The following FANCC variants were observed in gnomAD, a reference collection of about 807,000 sequenced individuals.
FANCC encodes Fanconi anemia group C protein.
A neutral mutation model predicts 71.3 loss-of-function variants in FANCC; 55 were observed. The observed-to-expected ratio is 0.77, with a 90% confidence interval of 0.62 to 0.97. FANCC has a LOEUF of 0.97. Ranked by LOEUF, FANCC falls within the 50% of genes least tolerant of loss-of-function variation. The pLI is 0.00. For missense variants in FANCC, 678 were observed against 670.9 expected, an observed-to-expected ratio of 1.01 and a Z score of -0.12; for synonymous variants, 275 against 244.9, an observed-to-expected ratio of 1.12 and a Z score of -1.15.
intron 6 of FANCC, among the ~76,000 whole-genome samples, chr9:95,157,602 T>A (rs1361631879): frequency 6.6e-6 from 1 of 152,182 alleles, no homozygotes; most frequent in Non-Finnish European, 1.5e-5. Context: ...GTGCAGAAAT[T>A]ATTTGGAAGT....
At chr9:95,277,383 A>G (rs1344514901) in intron 1 of FANCC, among the ~76,000 whole-genome samples, 1 of 152,246 alleles carries the variant, frequency 6.6e-6, no homozygotes, top group African/African-American at 2.4e-5. Context: ...TTCTCACCAC[A>G]AAGAAACAAT....
In FANCC at chr9:95,205,975, C is replaced by T. The variant is rs115680020; in HGVS notation, c.346-33828G>A. 2.5e-3 allele frequency among the ~76,000 whole-genome samples: 386 copies of T among 152,178 alleles called. 2 individuals carry two copies. Among genetic ancestry groups the T allele is most frequent in the African/African-American group, 8.8e-3 (366 of 41,516 alleles). On this transcript the variant is annotated intron_variant, in intron 4 of 14. Coordinates refer to ENST00000289081, the MANE Select transcript of FANCC (RefSeq NM_000136.3). ...TACCAGGACTTATAATGAAAAGTTGCTAACTTCTCCAAAGAGCAAAATATC... is the reference window on the plus strand; with the variant it reads ...TACCAGGACTTATAATGAAAAGTTGTTAACTTCTCCAAAGAGCAAAATATC...
At chr9:95,271,633 A>G (rs562561107) in intron 1 of FANCC, among the ~76,000 whole-genome samples, 10 of 152,232 alleles carry the variant, frequency 6.6e-5, no homozygotes, top group Non-Finnish European at 1.2e-4. Context: ...GTAATTTGCT[A>G]TAACAGCTTC....
At position 95,099,707 on chromosome 9, in the gene FANCC, C is replaced by T. The variant is rs1455512145; in HGVS notation, c.*2000G>A. On this transcript the variant is annotated 3_prime_UTR_variant, in exon 15 of 15. Coordinates refer to ENST00000289081, the MANE Select transcript of FANCC (RefSeq NM_000136.3). The stretch of plus-strand genomic sequence containing the variant: ...GGGACAGTCCTCCCACCCAGGAACC[C>T]CTGGCTGCCCAGAAAGCACCACCGG... 4 of 232,346 alleles carry T rather than the reference C, an allele frequency of 1.7e-5. No individual in the cohort carries two copies. Among genetic ancestry groups the T allele is most frequent in the African/African-American group, 6.6e-5 (3 of 45,264 alleles). The allele number at this position is 232,346 out of a possible 1,614,324, so 14.4% of individuals were successfully genotyped here.
At chr9:95,150,466 T>C (rs1830116390) in intron 6 of FANCC, among the ~76,000 whole-genome samples, 1 of 152,190 alleles carries the variant, frequency 6.6e-6, no homozygotes. Flanking sequence ...CATCAGTGAA[T>C]ACTAGCAACA....
intron 7 of FANCC, among the ~76,000 whole-genome samples, chr9:95,143,882 T>A (rs1829129911): frequency 6.6e-6 from 1 of 152,028 alleles, no homozygotes; most frequent in Non-Finnish European, 1.5e-5. Context: ...GCCAAGAAAT[T>A]TAAAAGTTCC....
intron 2 of FANCC, 24 bp from the exon 3 acceptor site, chr9:95,247,540 G>C (rs768151187): frequency 6.6e-7 from 1 of 1,506,574 alleles, no homozygotes. Flanking sequence ...ATAAATTTTG[G>C]TCAGTAAAGG....
At chr9:95,204,860 C>T (rs187554545) in intron 4 of FANCC, among the ~76,000 whole-genome samples, 5 of 152,262 alleles carry the variant, frequency 3.3e-5, no homozygotes, top group Non-Finnish European at 7.4e-5. Flanking sequence ...ATCAAACACC[C>T]GATGGCTCCC....
At chr9:95,246,559 T>C (rs968407055) in intron 3 of FANCC, among the ~76,000 whole-genome samples, 3 of 152,224 alleles carry the variant, frequency 2.0e-5, no homozygotes, top group African/African-American at 7.2e-5. Flanking sequence ...ACCTCAGCCA[T>C]GTTCCTTGGG....
chr9:95,141,398 G>A (rs1227009040), intron 7 of FANCC, among the ~76,000 whole-genome samples: 1 of 147,416 alleles, frequency 6.8e-6, no homozygotes, highest in Non-Finnish European at 1.5e-5. Flanking sequence ...AGAAATGGGA[G>A]TTTTAGTTAC....
At chr9:95,175,739 G>C (rs1194681700) in intron 4 of FANCC, among the ~76,000 whole-genome samples, 1 of 152,256 alleles carries the variant, frequency 6.6e-6, no homozygotes, top group Non-Finnish European at 1.5e-5. Flanking sequence ...AGCAGGGAGA[G>C]CACTTGGTGC....
chr9:95,181,159 T>TTGTGTGTGTG (rs10692344), intron 4 of FANCC, among the ~76,000 whole-genome samples: 30 of 148,444 alleles, frequency 2.0e-4, no homozygotes, highest in African/African-American at 3.5e-4. Context: ...CACGTACACA[T>TTGTGTGTGTG]TGTGTGTGTG....
intron 7 of FANCC, among the ~76,000 whole-genome samples, chr9:95,137,119 G>A (rs991614952): frequency 3.9e-5 from 6 of 152,176 alleles, no homozygotes; most frequent in African/African-American, 4.8e-5. Flanking sequence ...GCCTCCCACC[G>A]ACCCAACAAC....
chr9:95,265,938 G>A (rs72752341), intron 1 of FANCC, among the ~76,000 whole-genome samples: 1,742 of 152,272 alleles, frequency 0.011, 11 homozygotes, highest in South Asian at 0.034. Flanking sequence ...AGGAAACACA[G>A]GGGGCTGCAG....
At chr9:95,214,240 A>G (rs1420391860) in intron 4 of FANCC, among the ~76,000 whole-genome samples, 1 of 152,134 alleles carries the variant, frequency 6.6e-6, no homozygotes, top group Non-Finnish European at 1.5e-5. Context: ...CAGCCTGGGG[A>G]ACAAAGCAAG....
At chr9:95,293,607 A>C in intron 1 of FANCC, 1 of 1,614,132 alleles carries the variant, frequency 6.2e-7, no homozygotes, top group Non-Finnish European at 8.5e-7. Context: ...TGCCTCACAA[A>C]ACTTTATACC....
intron 7 of FANCC, among the ~76,000 whole-genome samples, chr9:95,146,349 A>T (rs1362333582): frequency 6.6e-6 from 1 of 151,862 alleles, no homozygotes; most frequent in Non-Finnish European, 1.5e-5. Flanking sequence ...TTAGCCAGGC[A>T]TGGTAGCACA....
chr9:95,208,378 T>C (rs1368483753), intron 4 of FANCC, among the ~76,000 whole-genome samples: 1 of 152,086 alleles, frequency 6.6e-6, no homozygotes, highest in African/African-American at 2.4e-5. Context: ...ATTACAGGCA[T>C]GAGCCACTGC....
intron 9 of FANCC, 73 bp downstream of exon 9, chr9:95,126,456 A>C (rs1023758485): frequency 2.8e-6 from 4 of 1,409,932 alleles, no homozygotes; most frequent in Middle Eastern, 1.8e-4. Context: ...GACTACCACA[A>C]CATTTTCTGA....
Sources: allele counts gnomAD v4.1 joint callset (sites outside exome capture counted in the v4.1 genomes callset), GRCh38; gene constraint gnomAD v4.1.1; transcripts MANE v1.5; gene names NCBI Gene and HGNC (gene_info 2026-07-23, HGNC 2026-07-21).